The following RNGTT variants were observed in gnomAD, a reference collection of about 807,000 sequenced individuals.
RNGTT encodes mRNA-capping enzyme.
In RNGTT, 33 loss-of-function variants were observed where a neutral mutation model predicts 79.3. The ratio of observed to expected loss-of-function variants is 0.42; its 90% CI spans 0.32 to 0.56. RNGTT has a LOEUF of 0.56. Ranked by LOEUF, RNGTT falls within the 20% of genes least tolerant of loss-of-function variation. RNGTT has a pLI of 0.17. For missense variants in RNGTT, 497 were observed against 739.1 expected (o/e 0.67, Z 3.80); for synonymous variants, 222 against 235.9 (o/e 0.94, Z 0.54).
At chr6:88,805,399 G>A (rs1397381544) in intron 11 of RNGTT, among the ~76,000 whole-genome samples, 1 of 152,160 alleles carries the variant, frequency 6.6e-6, no homozygotes, top group Admixed American at 6.5e-5. Flanking sequence ...ACCACAGGCA[G>A]GGCAGGAAAC....
At chr6:88,755,959 C>CAAAAAAAAAAAAAAAAAAAAA (rs1157096180) in intron 13 of RNGTT, among the ~76,000 whole-genome samples, 1 of 30,500 alleles carries the variant, frequency 3.3e-5, no homozygotes, top group African/African-American at 1.0e-4. Context: ...GACTCCGTCT[C>CAAAAAAAAAAAAAAAAAAAAA]AAAAAAAAAA....
At chr6:88,706,708 A>G (rs956523657) in intron 13 of RNGTT, among the ~76,000 whole-genome samples, 1 of 152,186 alleles carries the variant, frequency 6.6e-6, no homozygotes, top group Non-Finnish European at 1.5e-5. Flanking sequence ...ATAAAGTGAA[A>G]CAACTTTCTA....
Position 88,709,999 on chromosome 6 carries a change from TG to T in RNGTT, c.1440-31581del, listed in dbSNP as rs1291072270. Among the ~76,000 whole-genome samples the T allele has an allele frequency of 6.6e-5, 10 of 152,352 alleles. No homozygotes were observed. In the South Asian group the frequency reaches 1.4e-3, roughly 22 times the overall value. On this transcript the variant is annotated intron_variant, in intron 13 of 15. Transcript: ENST00000369485. Reference sequence around the variant, plus strand: ...CAATTGAAATTGCTTAATGATTCTTTGAAAGATTTTGTTTTTCTCTTAGCAA... The same window carrying T: ...CAATTGAAATTGCTTAATGATTCTTTAAAGATTTTGTTTTTCTCTTAGCAA...
intron 13 of RNGTT, among the ~76,000 whole-genome samples, chr6:88,728,424 A>G (rs940332392): frequency 2.0e-5 from 3 of 152,176 alleles, no homozygotes; most frequent in African/African-American, 7.2e-5. Flanking sequence ...TTGTCCCACC[A>G]ATGTAGAGCT....
rs185587204 is a variant in RNGTT at position 88,889,780 on chromosome 6, G to C, written c.896+715C>G. Among the ~76,000 whole-genome samples, 9 of 152,156 alleles carry C rather than the reference G, an allele frequency of 5.9e-5. No homozygotes were observed. The East Asian group carries it at 1.5e-3, about 26-fold the overall frequency. ...TCTTGACCAGCCTGGGCAACATAAG[G>C]AGACTTCATCCTTACAAAAAATTTA... On this transcript the variant is annotated intron_variant, in intron 8 of 15. Transcript: ENST00000369485.
chr6:88,904,574 AT>A (rs1299778882), intron 6 of RNGTT, 140 bp downstream of exon 6: 1,219 of 865,012 alleles, frequency 1.4e-3, no homozygotes, highest in Non-Finnish European at 1.6e-3. Context: ...AAAAAAAAAA[AT>A]TTTTTTTTTA....
chr6:88,682,674 T>C (rs1427549429), intron 13 of RNGTT, among the ~76,000 whole-genome samples: 1 of 152,152 alleles, frequency 6.6e-6, no homozygotes, highest in Non-Finnish European at 1.5e-5. Context: ...CATGATGGTG[T>C]GCTGCAAAGA....
At chr6:88,661,882 A>G (rs1254855947) in intron 14 of RNGTT, among the ~76,000 whole-genome samples, 1 of 152,222 alleles carries the variant, frequency 6.6e-6, no homozygotes, top group Non-Finnish European at 1.5e-5. Context: ...CTATAGACCA[A>G]TATCTCTGAT....
intron 11 of RNGTT, among the ~76,000 whole-genome samples, chr6:88,813,682 A>G (rs1582492671): frequency 6.6e-6 from 1 of 152,282 alleles, no homozygotes; most frequent in East Asian, 1.9e-4. Context: ...ATCCAAATGC[A>G]TTCTGGCTCC....
At chr6:88,617,498 G>A (rs953973745) in intron 14 of RNGTT, among the ~76,000 whole-genome samples, 1 of 152,088 alleles carries the variant, frequency 6.6e-6, no homozygotes, top group African/African-American at 2.4e-5. Context: ...GGCCATATAT[G>A]CAATGATTTA....
intron 13 of RNGTT, among the ~76,000 whole-genome samples, chr6:88,727,292 A>G (rs1292924167): frequency 6.6e-6 from 1 of 152,252 alleles, no homozygotes; most frequent in East Asian, 1.9e-4. Flanking sequence ...AAGTAGGCAT[A>G]AGAATGTGGA....
In RNGTT at chr6:88,824,748, C is replaced by CT. The variant is rs59203172; in HGVS notation, c.1269+19608dup. 5.5e-3 allele frequency among the ~76,000 whole-genome samples: 746 copies of CT among 135,808 alleles called. 2 individuals carry two copies. Among genetic ancestry groups the CT allele is most frequent in the African/African-American group, 7.0e-3 (260 of 37,304 alleles). The allele number at this position is 135,808 out of a possible 152,430, so 89.1% of individuals were successfully genotyped here. A position where few individuals can be genotyped will look rare whatever the true frequency, so the allele number is the denominator to read the frequency against. On this transcript the variant is annotated intron_variant, in intron 11 of 15. Coordinates refer to ENST00000369485, the MANE Select transcript of RNGTT (RefSeq NM_003800.5). ...AATAAATTGAAAACACGTTTGTTTT[C>CT]TTTTTTTTTTTTTTTTTCTTTTTGG...
At chr6:88,791,137 T>C (rs931808509) in intron 12 of RNGTT, among the ~76,000 whole-genome samples, 2 of 95,190 alleles carry the variant, frequency 2.1e-5, no homozygotes, top group Non-Finnish European at 4.1e-5. Context: ...CAATCACAAG[T>C]ACCTTTTTTT....
rs374846256 is a variant in RNGTT, at chr6:88,747,006, C to T, written c.1439+22768G>A. Among the ~76,000 whole-genome samples the T allele has an allele frequency of 4.6e-5, 7 of 152,256 alleles. No homozygotes were observed. The East Asian group carries it at 1.3e-3, about 29-fold the overall frequency. The stretch of plus-strand genomic sequence containing the variant: ...CAGACTCACCCTGTGGTACTTTCTC[C>T]TATTCCTGAATGTATAATTGGAATA... On this transcript the variant is annotated intron_variant, in intron 13 of 15. Coordinates refer to ENST00000369485, the MANE Select transcript of RNGTT (RefSeq NM_003800.5).
chr6:88,963,384 C>A lies in RNGTT; in HGVS notation c.26G>T (p.Arg9Leu), dbSNP rs1391135543. MAHNKIPP[R>L]WLNCPRRGQP... ...GCCGCGCCGGGGACAGTTCAGCCAC[C>A]GCGGCGGGATCTTGTTGTGAGCCAT... The change falls in exon 1 of 16, where the codon CGG becomes CTG. Residue 9 changes from arginine (R) to leucine (L), a missense_variant. This residue lies in a region of RNGTT where 440 missense variants were observed against 671.5 expected (regional missense o/e 0.66). Coordinates refer to ENST00000369485, the MANE Select transcript of RNGTT (RefSeq NM_003800.5). 8 of 1,609,686 alleles carry A rather than the reference C, an allele frequency of 5.0e-6. No individual in the cohort carries two copies. The highest frequency in any genetic ancestry group is 6.8e-6 in the Non-Finnish European group (8 of 1,178,080).
chr6:88,707,469 G>T (rs1224588566), intron 13 of RNGTT, among the ~76,000 whole-genome samples: 1 of 152,030 alleles, frequency 6.6e-6, no homozygotes, highest in African/African-American at 2.4e-5. Flanking sequence ...ATGCTATCTA[G>T]AAAAGATGTG....
intron 14 of RNGTT, among the ~76,000 whole-genome samples, chr6:88,634,186 A>T (rs1445106591): frequency 6.6e-6 from 1 of 152,168 alleles, no homozygotes; most frequent in Non-Finnish European, 1.5e-5. Context: ...AGGAACTCAA[A>T]GGTTTTATAA....
At chr6:88,870,214 T>A (rs1782310577) in intron 8 of RNGTT, among the ~76,000 whole-genome samples, 1 of 152,148 alleles carries the variant, frequency 6.6e-6, no homozygotes, top group South Asian at 2.1e-4. Flanking sequence ...CTTTACCTAG[T>A]TCACATGTTA....
intron 12 of RNGTT, among the ~76,000 whole-genome samples, chr6:88,787,907 T>G (rs1178222532): frequency 1.3e-5 from 2 of 152,334 alleles, no homozygotes; most frequent in African/African-American, 4.8e-5. Context: ...CTGATTTAAG[T>G]AACTGCATTT....
Sources: allele counts gnomAD v4.1 joint callset (sites outside exome capture counted in the v4.1 genomes callset), GRCh38; gene constraint gnomAD v4.1.1; regional missense constraint gnomAD v4.1.1; transcripts MANE v1.5; gene names NCBI Gene and HGNC (gene_info 2026-07-23, HGNC 2026-07-21).